The following LPP variants were observed in gnomAD, a reference collection of about 807,000 sequenced individuals.
The protein encoded by LPP is lipoma-preferred partner.
Under a neutral mutation model 60.4 loss-of-function variants are expected in LPP, and 38 were observed. The ratio of observed to expected loss-of-function variants is 0.63; its 90% confidence interval spans 0.49 to 0.83. The LOEUF (loss-of-function observed/expected upper bound fraction) is 0.83, where lower values mean the gene tolerates loss of function less well. Among genes scored for constraint, LPP ranks in the 40% least tolerant of loss-of-function variants. The probability of loss-of-function intolerance (pLI) is 0.00; values close to 1 mark genes in which losing one functional copy is unlikely to be tolerated. For missense variants in LPP, 902 were observed against 783.6 expected, an observed-to-expected ratio of 1.15 and a Z score of -1.80; for synonymous variants, 328 against 290.8, an observed-to-expected ratio of 1.13 and a Z score of -1.30.
intron 2 of LPP, among the ~76,000 whole-genome samples, chr3:188,310,451 C>G (rs2150258123): frequency 6.6e-6 from 1 of 152,136 alleles, no homozygotes; most frequent in East Asian, 1.9e-4. Context: ...TAAAAAATAG[C>G]TAGCCAGTGG....
At chr3:188,802,894 C>T (rs993112310) in intron 9 of LPP, among the ~76,000 whole-genome samples, 2 of 152,012 alleles carry the variant, frequency 1.3e-5, no homozygotes, top group South Asian at 4.1e-4. Flanking sequence ...ATAATCCCCA[C>T]CCTAAAAAAG....
chr3:188,237,983 A>G (rs1352089356), intron 2 of LPP, among the ~76,000 whole-genome samples: 1 of 152,210 alleles, frequency 6.6e-6, no homozygotes, highest in Non-Finnish European at 1.5e-5. Flanking sequence ...AGCCTGTTTC[A>G]TCTACAATGA....
rs576484032 is a variant in LPP, at chr3:188,842,675, ATT to A, written c.1411-23522_1411-23521del. On this transcript the variant is annotated intron_variant, in intron 9 of 11. Coordinates refer to ENST00000617246, the MANE Select transcript of LPP (RefSeq NM_001375462.1). ...ATTTATTCATTTTATATTTATTTCT[ATT>A]TTATATATTCATATAACAATATATT... Among the ~76,000 whole-genome samples, 5 of 151,854 alleles carry A rather than the reference ATT, an allele frequency of 3.3e-5. No individual in the cohort carries two copies. In the South Asian group the frequency reaches 1.0e-3, roughly 32 times the overall value.
intron 8 of LPP, chr3:188,712,315 G>A (rs11716501): frequency 0.056 from 8,574 of 152,346 alleles, 310 homozygotes; most frequent in Non-Finnish European, 0.085. Context: ...CTGCTACTGT[G>A]CTGGGTGTTC....
intron 6 of LPP, among the ~76,000 whole-genome samples, chr3:188,599,793 G>GGTGTGTGCTT (rs1328289006): frequency 6.8e-5 from 6 of 88,428 alleles, no homozygotes; most frequent in Non-Finnish European, 1.4e-4. Context: ...TGTGTGTGGT[G>GGTGTGTGCTT]TGTGCTTTAT....
chr3:188,354,729 A>C (rs1766997311), intron 3 of LPP, among the ~76,000 whole-genome samples: 2 of 152,202 alleles, frequency 1.3e-5, no homozygotes, highest in Admixed American at 1.3e-4. Flanking sequence ...GCCCTCATTG[A>C]TACCCACACT....
At chr3:188,166,098 G>T (rs1386840472) in intron 1 of LPP, among the ~76,000 whole-genome samples, 1 of 152,116 alleles carries the variant, frequency 6.6e-6, no homozygotes, top group Non-Finnish European at 1.5e-5. Flanking sequence ...CTGTTACCGT[G>T]AAAGTTCAGG....
chr3:188,169,281 C>T (rs1398154269), intron 1 of LPP, among the ~76,000 whole-genome samples: 2 of 152,212 alleles, frequency 1.3e-5, no homozygotes, highest in Non-Finnish European at 1.5e-5. Flanking sequence ...TTTATTTTCT[C>T]ATCCTAGAAA....
chr3:188,280,779 G>A (rs570701363), intron 2 of LPP, among the ~76,000 whole-genome samples: 1 of 152,126 alleles, frequency 6.6e-6, no homozygotes, highest in South Asian at 2.1e-4. Flanking sequence ...ACATAGTGGG[G>A]AGAATGTGGG....
intron 1 of LPP, among the ~76,000 whole-genome samples, chr3:188,176,384 G>GA (rs1723049091): frequency 6.6e-6 from 1 of 152,060 alleles, no homozygotes; most frequent in Non-Finnish European, 1.5e-5. Context: ...AAATAGAAAA[G>GA]ATTTGCCTAG....
chr3:188,402,255 G>GA (rs950640587), intron 3 of LPP, among the ~76,000 whole-genome samples: 9 of 151,718 alleles, frequency 5.9e-5, no homozygotes, highest in Non-Finnish European at 1.5e-5. Flanking sequence ...AAAACAAGCA[G>GA]AAAAAAATGC....
chr3:188,837,421 A>AATAATC lies in LPP; in HGVS notation c.1411-28777_1411-28776insAATCAT, dbSNP rs1485239539. Among the ~76,000 whole-genome samples, 422 of 141,704 alleles carry AATAATC rather than the reference A, an allele frequency of 3.0e-3. 4 individuals carry two copies. The highest frequency in any genetic ancestry group is 0.01 in the African/African-American group (383 of 38,026). 93.0% of individuals were successfully genotyped at this position (141,704 alleles called of 152,430 possible). On this transcript the variant is annotated intron_variant, in intron 9 of 11. Coordinates refer to ENST00000617246, the MANE Select transcript of LPP (RefSeq NM_001375462.1). ...TAATAATAATAATAATAATAATAAT[A>AATAATC]ATCTGTGCTTCCTGCTTAATTTCTA...
intron 8 of LPP, among the ~76,000 whole-genome samples, chr3:188,738,639 C>A (rs924460343): frequency 6.6e-6 from 1 of 152,072 alleles, no homozygotes; most frequent in Non-Finnish European, 1.5e-5. Context: ...CTTTTCATCA[C>A]GAATGTAAAA....
chr3:188,675,485 G>GTA (rs1166360310), intron 7 of LPP, among the ~76,000 whole-genome samples: 1 of 152,198 alleles, frequency 6.6e-6, no homozygotes, highest in African/African-American at 2.4e-5. Flanking sequence ...ATAGCTTCAA[G>GTA]TATATGCCTT....
At chr3:188,396,849 A>C (rs1175527011) in intron 3 of LPP, among the ~76,000 whole-genome samples, 1 of 152,204 alleles carries the variant, frequency 6.6e-6, no homozygotes, top group Non-Finnish European at 1.5e-5. Flanking sequence ...TGCACACTCC[A>C]CAGACTAGCC....
intron 4 of LPP, among the ~76,000 whole-genome samples, chr3:188,407,558 C>T (rs1434413174): frequency 6.6e-6 from 1 of 152,098 alleles, no homozygotes; most frequent in Non-Finnish European, 1.5e-5. Context: ...ATAAACGAAG[C>T]CTTTGGTGCT....
At chr3:188,518,440 C>T (rs1337946445) in intron 5 of LPP, among the ~76,000 whole-genome samples, 1 of 152,054 alleles carries the variant, frequency 6.6e-6, no homozygotes, top group African/African-American at 2.4e-5. Context: ...TTTTATATTC[C>T]TAAGTTATCA....
intron 9 of LPP, among the ~76,000 whole-genome samples, chr3:188,801,216 T>C (rs1351308959): frequency 1.3e-5 from 2 of 152,210 alleles, no homozygotes; most frequent in African/African-American, 4.8e-5. Context: ...TGTCCTAGGC[T>C]CTACAATGTA....
chr3:188,303,669 A>C (rs895592823), intron 2 of LPP, among the ~76,000 whole-genome samples: 18 of 152,152 alleles, frequency 1.2e-4, no homozygotes, highest in Non-Finnish European at 8.8e-5. Context: ...TAGGATAAGA[A>C]GCAGGGCACT....
Sources: allele counts gnomAD v4.1 joint callset (sites outside exome capture counted in the v4.1 genomes callset), GRCh38; gene constraint gnomAD v4.1.1; transcripts MANE v1.5; gene names NCBI Gene and HGNC (gene_info 2026-07-23, HGNC 2026-07-21).